RBFOX2: variants seen among roughly 807,000 people sequenced by gnomAD.
The protein encoded by RBFOX2 is RNA binding fox-1 homolog 2.
Under a neutral mutation model 49.1 loss-of-function variants are expected in RBFOX2, and 10 were observed. The ratio of observed to expected loss-of-function variants is 0.20; its 90% CI spans 0.13 to 0.35. The LOEUF (loss-of-function observed/expected upper bound fraction) is 0.35. RBFOX2 is among the 10% of genes least tolerant of loss of function. The probability of loss-of-function intolerance (pLI) is 1.00; values close to 1 mark genes in which losing one functional copy is unlikely to be tolerated. For missense variants in RBFOX2, 323 were observed against 486.9 expected (o/e 0.66, Z 3.17); for synonymous variants, 183 against 187.4 (o/e 0.98, Z 0.19).
intron 2 of RBFOX2, among the ~76,000 whole-genome samples, chr22:35,803,797 C>CAACAGCAGATTTGGGATGGCAGAACA (rs1348433541): frequency 4.6e-5 from 7 of 151,862 alleles, no homozygotes; most frequent in African/African-American, 1.7e-4. Flanking sequence ...TAGATGGGCT[C>CAACAGCAGATTTGGGATGGCAGAACA]AACAGCAGAT....
chr22:35,947,262 C>A (rs2054385357), intron 1 of RBFOX2, among the ~76,000 whole-genome samples: 1 of 152,056 alleles, frequency 6.6e-6, no homozygotes, highest in African/African-American at 2.4e-5. Flanking sequence ...TGTCATGGCA[C>A]AAAACATTAC....
intron 1 of RBFOX2, among the ~76,000 whole-genome samples, chr22:35,833,102 T>C (rs1957088373): frequency 6.6e-6 from 1 of 152,202 alleles, no homozygotes; most frequent in Admixed American, 6.5e-5. Context: ...GTAATCATAA[T>C]TGATATTTTT....
At chr22:35,890,889 C>T (rs964034199) in intron 1 of RBFOX2, among the ~76,000 whole-genome samples, 4 of 151,948 alleles carry the variant, frequency 2.6e-5, no homozygotes, top group African/African-American at 4.8e-5. Context: ...GATGAGATTG[C>T]GTTTCCAGGT....
chr22:35,982,505 A>G (rs1426282837), intron 1 of RBFOX2, among the ~76,000 whole-genome samples: 1 of 151,952 alleles, frequency 6.6e-6, no homozygotes. Flanking sequence ...CTCCCTCCAC[A>G]TCCTCAACAG....
exon 1 of RBFOX2, chr22:36,028,465 G>A (rs1291039880): frequency 8.6e-7 from 1 of 1,159,186 alleles, no homozygotes; most frequent in Non-Finnish European, 1.1e-6. Flanking sequence ...CGGGCGACCC[G>A]CGACAGGCCA....
chr22:35,753,101 AT>A (rs1935541159), intron 9 of RBFOX2, among the ~76,000 whole-genome samples: 1 of 152,240 alleles, frequency 6.6e-6, no homozygotes, highest in Non-Finnish European at 1.5e-5. Context: ...ATAACCAGCA[AT>A]TTAAAATCTT....
At chr22:35,783,724 A>G (rs1244157082) in intron 2 of RBFOX2, among the ~76,000 whole-genome samples, 3 of 152,190 alleles carry the variant, frequency 2.0e-5, no homozygotes, top group Non-Finnish European at 4.4e-5. Flanking sequence ...GCCCCCAGAC[A>G]CCACGTGTCC....
chr22:35,740,420 AAC>A (rs1430929169), exon 12 of RBFOX2: 3 of 152,618 alleles, frequency 2.0e-5, no homozygotes, highest in Admixed American at 6.5e-5. Context: ...ACAAAATAAA[AAC>A]ACACAAATTT....
At chr22:35,882,132 G>A (rs1384801747) in intron 1 of RBFOX2, among the ~76,000 whole-genome samples, 1 of 152,128 alleles carries the variant, frequency 6.6e-6, no homozygotes, top group Non-Finnish European at 1.5e-5. Flanking sequence ...AAAAAGAGGT[G>A]AAAGGACTTG....
At chr22:35,875,480 T>C (rs1013152909) in intron 1 of RBFOX2, among the ~76,000 whole-genome samples, 2 of 152,140 alleles carry the variant, frequency 1.3e-5, no homozygotes, top group South Asian at 2.1e-4. Flanking sequence ...CTACAGGTAG[T>C]AGAAACTCAA....
At chr22:35,907,222 C>A (rs1017105813) in intron 1 of RBFOX2, among the ~76,000 whole-genome samples, 2 of 152,174 alleles carry the variant, frequency 1.3e-5, no homozygotes, top group Non-Finnish European at 2.9e-5. Context: ...TACACGCTTC[C>A]CCAGAAAAGG....
intron 1 of RBFOX2, among the ~76,000 whole-genome samples, chr22:35,984,142 T>A (rs2057592494): frequency 1.3e-5 from 2 of 152,170 alleles, no homozygotes; most frequent in African/African-American, 2.4e-5. Context: ...TGTGTCCCCC[T>A]AGGCCAATGG....
At chr22:36,013,379 G>A (rs2058900329) in intron 1 of RBFOX2, among the ~76,000 whole-genome samples, 2 of 152,100 alleles carry the variant, frequency 1.3e-5, no homozygotes, top group South Asian at 4.1e-4. Flanking sequence ...TTACATAATA[G>A]AATACCTACT....
rs118071016 is a variant in RBFOX2 at position 35,812,609 on chromosome 22, G to A, written c.28-2605C>T. Reference sequence around the variant, plus strand: ...TGAATTGGAATTCAGGTGGACTGGTGAATGAAACACAATAAGAGCACCAAA... The same window carrying A: ...TGAATTGGAATTCAGGTGGACTGGTAAATGAAACACAATAAGAGCACCAAA... On this transcript the variant is annotated intron_variant, in intron 1 of 11. Coordinates refer to ENST00000405409, the Ensembl canonical transcript of RBFOX2. 1.3e-4 allele frequency among the ~76,000 whole-genome samples: 20 copies of A among 152,312 alleles called. No individual in the cohort carries two copies. In the East Asian group the frequency reaches 3.9e-3, roughly 29 times the overall value.
At chr22:35,947,410 TATC>T (rs1275930710) in intron 1 of RBFOX2, among the ~76,000 whole-genome samples, 2 of 151,968 alleles carry the variant, frequency 1.3e-5, no homozygotes, top group African/African-American at 2.4e-5. Context: ...GTATTTACTA[TATC>T]ATACTTTTTT....
At chr22:35,867,987 G>C (rs988895446) in intron 1 of RBFOX2, among the ~76,000 whole-genome samples, 1 of 152,128 alleles carries the variant, frequency 6.6e-6, no homozygotes, top group Non-Finnish European at 1.5e-5. Context: ...GAGGTGGGAG[G>C]ATCCCTTGAG....
chr22:35,753,163 A>T (rs1337611649), intron 9 of RBFOX2, among the ~76,000 whole-genome samples: 1 of 152,196 alleles, frequency 6.6e-6, no homozygotes, highest in Non-Finnish European at 1.5e-5. Flanking sequence ...TTTCATACTA[A>T]ACTCTCTATT....
At chr22:36,012,118 T>C (rs1416398458) in intron 1 of RBFOX2, among the ~76,000 whole-genome samples, 4 of 152,230 alleles carry the variant, frequency 2.6e-5, no homozygotes, top group Admixed American at 6.5e-5. Flanking sequence ...CTATCATGCA[T>C]ACCACAACTG....
At chr22:35,765,734 G>C (rs543470778) in intron 5 of RBFOX2, among the ~76,000 whole-genome samples, 38 of 152,200 alleles carry the variant, frequency 2.5e-4, no homozygotes, top group African/African-American at 9.1e-4. Context: ...AAATACATTT[G>C]CAAGATCTTT....
Sources: gnomAD v4.1 joint callset for allele counts (sites outside exome capture counted in the v4.1 genomes callset) on GRCh38, gnomAD v4.1.1 for gene constraint, MANE v1.5 for transcripts, NCBI Gene and HGNC (gene_info 2026-07-23, HGNC 2026-07-21) for gene names.